Variants in FOXP1 observed in about 807,000 individuals in gnomAD.
FOXP1 encodes forkhead box P1.
FOXP1 carries 15 observed loss-of-function variants against 98.2 expected under a neutral mutation model. The observed-to-expected ratio is 0.15, with a 90% CI of 0.10 to 0.24. The LOEUF is 0.24. Ranked by LOEUF, FOXP1 falls within the 10% of genes least tolerant of loss-of-function variation. The pLI, the probability that FOXP1 is intolerant of heterozygous loss-of-function variation, is 1.00. For missense variants in FOXP1, 633 were observed against 848.5 expected (o/e 0.75, Z 3.15); for synonymous variants, 371 against 314.5 (o/e 1.18, Z -1.90).
chr3:71,431,750 T>G (rs1266966461), intron 3 of FOXP1, among the ~76,000 whole-genome samples: 2 of 152,374 alleles, frequency 1.3e-5, no homozygotes, highest in East Asian at 3.9e-4. Context: ...GAATGGAGAC[T>G]AACTTTTCCA....
chr3:71,472,094 T>A (rs545861413), intron 3 of FOXP1, among the ~76,000 whole-genome samples: 1 of 152,338 alleles, frequency 6.6e-6, no homozygotes, highest in South Asian at 2.1e-4. Context: ...TTTTTCATTA[T>A]GTTTTGTGTG....
At chr3:71,521,242 G>A (rs997921173) in intron 2 of FOXP1, among the ~76,000 whole-genome samples, 35 of 152,086 alleles carry the variant, frequency 2.3e-4, no homozygotes, top group African/African-American at 8.5e-4. Context: ...TATAAGAAGG[G>A]GCCAGGAGGC....
At chr3:71,238,894 G>A (rs751984911) in intron 5 of FOXP1, among the ~76,000 whole-genome samples, 9 of 152,176 alleles carry the variant, frequency 5.9e-5, no homozygotes, top group Non-Finnish European at 8.8e-5. Flanking sequence ...TTACACTTTA[G>A]AGAGCATTTT....
intron 4 of FOXP1, chr3:71,334,607 G>T (rs937901632): frequency 6.6e-6 from 1 of 152,034 alleles, no homozygotes; most frequent in African/African-American, 2.4e-5. Flanking sequence ...AAAATTACTG[G>T]ACTTAAGACT....
At chr3:71,506,089 A>C (rs1397145627) in intron 2 of FOXP1, among the ~76,000 whole-genome samples, 1 of 152,218 alleles carries the variant, frequency 6.6e-6, no homozygotes, top group East Asian at 1.9e-4. Context: ...TGAATTCTAC[A>C]GACAATAATT....
At chr3:71,448,993 C>T (rs539556978) in intron 3 of FOXP1, among the ~76,000 whole-genome samples, 1 of 152,126 alleles carries the variant, frequency 6.6e-6, no homozygotes, top group African/African-American at 2.4e-5. Flanking sequence ...GAACAAAATG[C>T]GTGTTATGAC....
At chr3:71,276,256 A>G (rs1354005291) in intron 5 of FOXP1, 1 of 152,196 alleles carries the variant, frequency 6.6e-6, no homozygotes, top group Non-Finnish European at 1.5e-5. Context: ...CTGGACGAAG[A>G]ATCAGGACTT....
intron 5 of FOXP1, among the ~76,000 whole-genome samples, chr3:71,233,592 CT>C (rs34054213): frequency 0.63 from 68,653 of 108,584 alleles, 20,237 homozygotes; most frequent in Admixed American, 0.67. Flanking sequence ...ATGTTTGACT[CT>C]TTTTTTTTTT....
intron 6 of FOXP1, chr3:71,130,356 A>G: frequency 1.4e-6 from 1 of 738,582 alleles, no homozygotes; most frequent in African/African-American, 1.8e-5. Context: ...TGATGGAGAG[A>G]GGAGGGAAGG....
intron 2 of FOXP1, among the ~76,000 whole-genome samples, chr3:71,560,253 A>G (rs2046436482): frequency 6.6e-6 from 1 of 152,074 alleles, no homozygotes; most frequent in South Asian, 2.1e-4. Context: ...ACTACGATTG[A>G]CTCTTCCACA....
At chr3:71,291,468 G>A (rs1005453828) in intron 5 of FOXP1, among the ~76,000 whole-genome samples, 1 of 152,144 alleles carries the variant, frequency 6.6e-6, no homozygotes, top group Non-Finnish European at 1.5e-5. Context: ...AGCAGCTCCA[G>A]GTAGCTAGTG....
intron 7 of FOXP1, among the ~76,000 whole-genome samples, chr3:71,073,184 C>T (rs1289548226): frequency 2.6e-5 from 4 of 152,166 alleles, no homozygotes; most frequent in Admixed American, 2.6e-4. Flanking sequence ...GGTCAGAACA[C>T]ATCTATGTAA....
At chr3:71,249,630 C>T (rs1273389527) in intron 5 of FOXP1, among the ~76,000 whole-genome samples, 6 of 152,192 alleles carry the variant, frequency 3.9e-5, no homozygotes, top group African/African-American at 1.2e-4. Context: ...TGCTGCTAAG[C>T]AGGAATGTCA....
In FOXP1 at chr3:70,978,048, C is replaced by CT. The variant is rs761228381; in HGVS notation, c.1147-20_1147-19insA. ...GATTCAACTGCAAGGAAAAAAACAACGTCTTAGAAGACCTTCAGAAAACCA... is the reference window on the plus strand; with the variant it reads ...GATTCAACTGCAAGGAAAAAAACAACTGTCTTAGAAGACCTTCAGAAAACCA... On this transcript the variant is annotated intron_variant, in intron 14 of 20. Coordinates refer to ENST00000649528, the MANE Select transcript of FOXP1 (RefSeq NM_001349338.3). 3 of 1,611,162 alleles carry CT rather than the reference C, an allele frequency of 1.9e-6. No individual in the cohort carries two copies. The African/African-American group carries it at 4.0e-5, about 22-fold the overall frequency.
intron 5 of FOXP1, among the ~76,000 whole-genome samples, chr3:71,271,178 C>A (rs111273062): frequency 1.3e-5 from 2 of 152,044 alleles, no homozygotes; most frequent in Non-Finnish European, 2.9e-5. Flanking sequence ...TGCACTGAGC[C>A]CAGATAATGC....
chr3:71,177,902 T>G (rs2062041292), intron 6 of FOXP1, among the ~76,000 whole-genome samples: 1 of 148,160 alleles, frequency 6.7e-6, no homozygotes, highest in South Asian at 2.2e-4. Context: ...AGGGCAGTGG[T>G]GCGATCATGG....
intron 2 of FOXP1, among the ~76,000 whole-genome samples, chr3:71,505,244 G>A (rs1229087758): frequency 1.3e-5 from 2 of 151,940 alleles, no homozygotes; most frequent in African/African-American, 2.4e-5. Flanking sequence ...GGCTTCTTGC[G>A]TGAAGTCAGG....
intron 2 of FOXP1, among the ~76,000 whole-genome samples, chr3:71,536,577 T>TA (rs1366146751): frequency 6.7e-6 from 1 of 149,580 alleles, no homozygotes; most frequent in Non-Finnish European, 1.5e-5. Context: ...ATGTCTCTTT[T>TA]TTTTTTTTTT....
At chr3:71,514,834 GC>G (rs1285177380) in intron 2 of FOXP1, among the ~76,000 whole-genome samples, 1 of 152,102 alleles carries the variant, frequency 6.6e-6, no homozygotes, top group Non-Finnish European at 1.5e-5. Flanking sequence ...CTCACACCAC[GC>G]CCAGTAAGGG....
Sources: allele counts gnomAD v4.1 joint callset (sites outside exome capture counted in the v4.1 genomes callset), GRCh38; gene constraint gnomAD v4.1.1; transcripts MANE v1.5; gene names NCBI Gene and HGNC (gene_info 2026-07-23, HGNC 2026-07-21).